CSTPP1: variants seen among roughly 807,000 people sequenced by gnomAD.
The protein encoded by CSTPP1 is centriolar satellite-associated tubulin polyglutamylase complex regulator 1.
chr11:47,036,270 TA>T, the CSTPP1 span, among the ~76,000 whole-genome samples: 1 of 74,896 alleles, frequency 1.3e-5, no homozygotes, highest in Non-Finnish European at 2.9e-5. Context: ...ATAATATATA[TA>T]TTATATATTA....
At chr11:46,952,332 G>A in the CSTPP1 span, among the ~76,000 whole-genome samples, 3 of 152,200 alleles carry the variant, frequency 2.0e-5, no homozygotes, top group South Asian at 2.1e-4. Flanking sequence ...AAGTGAAGCC[G>A]AAGATGCAAA....
chr11:47,136,787 C>T, the CSTPP1 span, among the ~76,000 whole-genome samples: 428 of 152,286 alleles, frequency 2.8e-3, 2 homozygotes, highest in African/African-American at 9.7e-3. Flanking sequence ...CTTCCATATT[C>T]GAAATGCTTT....
chr11:47,008,212 G>A, the CSTPP1 span, among the ~76,000 whole-genome samples: 1 of 152,070 alleles, frequency 6.6e-6, no homozygotes, highest in Admixed American at 6.6e-5. Flanking sequence ...TGATCTGCCC[G>A]CCTTGGCCTC....
At chr11:46,950,770 C>G in the CSTPP1 span, among the ~76,000 whole-genome samples, 372 of 152,120 alleles carry the variant, frequency 2.4e-3, 1 homozygote, top group African/African-American at 8.2e-3. Flanking sequence ...TGCTATCACG[C>G]CTGGCTAATT....
chr11:47,145,328 G>C, the CSTPP1 span, among the ~76,000 whole-genome samples: 1 of 152,156 alleles, frequency 6.6e-6, no homozygotes, highest in Non-Finnish European at 1.5e-5. Flanking sequence ...GGTGGCACAC[G>C]CCTGTAATCC....
the CSTPP1 span, among the ~76,000 whole-genome samples, chr11:47,127,559 T>C: frequency 6.6e-6 from 1 of 152,186 alleles, no homozygotes; most frequent in Non-Finnish European, 1.5e-5. Context: ...TGCCTTTTGT[T>C]ATGCAGGTGC....
At chr11:46,944,322 A>AG in the CSTPP1 span, among the ~76,000 whole-genome samples, 1 of 151,934 alleles carries the variant, frequency 6.6e-6, no homozygotes, top group African/African-American at 2.4e-5. Flanking sequence ...CTTCTCAAAA[A>AG]AAAAAAAAAA....
the CSTPP1 span, among the ~76,000 whole-genome samples, chr11:46,962,930 G>C: frequency 6.6e-6 from 1 of 152,070 alleles, no homozygotes. Context: ...CTCCAGCCTG[G>C]GCAACGGGAG....
the CSTPP1 span, among the ~76,000 whole-genome samples, chr11:47,144,898 T>C: frequency 6.6e-6 from 1 of 151,946 alleles, no homozygotes; most frequent in Non-Finnish European, 1.5e-5. Context: ...CTCAATAATT[T>C]ATATTTCTAA....
chr11:47,161,019 T>G, the CSTPP1 span: 8 of 1,442,704 alleles, frequency 5.5e-6, no homozygotes, highest in Non-Finnish European at 7.7e-6. Context: ...AGATCGGCCC[T>G]CGCAGGGTCA....
the CSTPP1 span, among the ~76,000 whole-genome samples, chr11:47,087,693 AAT>A: frequency 6.6e-6 from 1 of 152,124 alleles, no homozygotes; most frequent in South Asian, 2.1e-4. Context: ...GCGAGACTCA[AAT>A]ATATATGTGT....
chr11:47,052,303 G>T, the CSTPP1 span: 1 of 1,491,944 alleles, frequency 6.7e-7, no homozygotes, highest in African/African-American at 1.4e-5. Flanking sequence ...TTTTGGCAGT[G>T]GTTCTCTCTG....
the CSTPP1 span, among the ~76,000 whole-genome samples, chr11:47,078,766 G>C: frequency 6.6e-6 from 1 of 152,314 alleles, no homozygotes; most frequent in South Asian, 2.1e-4. Context: ...GAGGTTCTCT[G>C]CTGAGAGTTT....
chr11:46,996,152 A>C, the CSTPP1 span, among the ~76,000 whole-genome samples: 2 of 151,530 alleles, frequency 1.3e-5, no homozygotes, highest in South Asian at 4.2e-4. Context: ...CCATCCCTTT[A>C]TTTTGAGCCT....
At chr11:46,956,062 G>A in the CSTPP1 span, among the ~76,000 whole-genome samples, 1 of 151,940 alleles carries the variant, frequency 6.6e-6, no homozygotes, top group Non-Finnish European at 1.5e-5. Flanking sequence ...GGGATGGAGG[G>A]TTTTCCTAGC....
chr11:47,031,676 A>G, the CSTPP1 span, among the ~76,000 whole-genome samples: 1 of 151,422 alleles, frequency 6.6e-6, no homozygotes, highest in South Asian at 2.1e-4. Context: ...CAGCCTGAGC[A>G]ACAGAGAAAA....
At chr11:47,035,699 G>A in the CSTPP1 span, among the ~76,000 whole-genome samples, 4 of 152,020 alleles carry the variant, frequency 2.6e-5, 1 homozygote, top group South Asian at 2.1e-4. Context: ...ACAGATTTGT[G>A]TATATTTTAA....
chr11:47,037,796 A>C, the CSTPP1 span, among the ~76,000 whole-genome samples: 11 of 127,688 alleles, frequency 8.6e-5, no homozygotes, highest in African/African-American at 2.7e-4. Context: ...CTTTCTACAC[A>C]GACACGGCAA....
At chr11:46,965,189 T>A in the CSTPP1 span, among the ~76,000 whole-genome samples, 1 of 150,676 alleles carries the variant, frequency 6.6e-6, no homozygotes, top group African/African-American at 2.4e-5. Flanking sequence ...AAAATAACAA[T>A]AATCAGCCTA....
Sources: allele counts gnomAD v4.1 joint callset (sites outside exome capture counted in the v4.1 genomes callset), GRCh38; gene constraint gnomAD v4.1.1; transcripts MANE v1.5; gene names NCBI Gene and HGNC (gene_info 2026-07-23, HGNC 2026-07-21).